GAS7: variants seen among roughly 807,000 people sequenced by gnomAD.
The protein encoded by GAS7 is growth arrest specific 7.
Under a neutral mutation model 71.1 loss-of-function variants are expected in GAS7, and 28 were observed. The ratio of observed to expected loss-of-function variants is 0.39; its 90% CI spans 0.29 to 0.54. The LOEUF is 0.54. Ranked by LOEUF, GAS7 falls within the 20% of genes least tolerant of loss-of-function variation. The pLI is 0.62. For missense variants in GAS7, 436 were observed against 627.8 expected, an observed-to-expected ratio of 0.69 and a Z score of 3.27; for synonymous variants, 258 against 245.8, an observed-to-expected ratio of 1.05 and a Z score of -0.46.
At chr17:10,078,080 T>TGTGTGTG (rs1555531361) in intron 1 of GAS7, among the ~76,000 whole-genome samples, 124 of 134,118 alleles carry the variant, frequency 9.2e-4, no homozygotes, top group African/African-American at 3.0e-3. Context: ...TGTGTGTGTG[T>TGTGTGTG]TTTGTTTTGT....
At chr17:10,053,791 A>C (rs913762134) in intron 1 of GAS7, among the ~76,000 whole-genome samples, 3 of 151,996 alleles carry the variant, frequency 2.0e-5, no homozygotes, top group Admixed American at 6.6e-5. Context: ...AGGGAGCCTC[A>C]CCTCTCTCCC....
At chr17:10,156,918 A>G (rs983059663) in intron 1 of GAS7, among the ~76,000 whole-genome samples, 2 of 152,018 alleles carry the variant, frequency 1.3e-5, no homozygotes, top group African/African-American at 2.4e-5. Flanking sequence ...GGCACCCTCA[A>G]TAGTGGAGTT....
At chr17:10,172,255 C>T (rs2074340752) in intron 1 of GAS7, among the ~76,000 whole-genome samples, 1 of 152,180 alleles carries the variant, frequency 6.6e-6, no homozygotes, top group South Asian at 2.1e-4. Context: ...TCATTCCACT[C>T]CTCAGGTCCA....
rs765522796 is a variant in GAS7, at chr17:9,940,177, G to T, written c.755C>A (p.Ala252Glu). The change falls in exon 8 of 14, where the codon GCG becomes GAG. Residue 252 changes from alanine to glutamate, a missense_variant. Ala to Glu is a moderately radical substitution (Grantham distance 107, BLOSUM62 -1). Coordinates refer to ENST00000432992, the MANE Select transcript of GAS7 (RefSeq NM_201433.2). ...RERIKIEEDY[A>E]KNLAKLSQNS... is the part of the protein sequence containing the mutation. ...CTGAGAGAGCTTAGCTAAGTTCTTC[G>T]CATAGTCTTCTTCAATCTTTATCCT... 1.2e-6 allele frequency: 2 copies of T among 1,612,458 alleles called. No homozygotes were observed. The highest frequency in any genetic ancestry group is 1.7e-6 in the Non-Finnish European group (2 of 1,178,538).
At chr17:10,114,875 T>C (rs965347717) in intron 1 of GAS7, among the ~76,000 whole-genome samples, 6 of 152,154 alleles carry the variant, frequency 3.9e-5, no homozygotes, top group Admixed American at 6.5e-5. Flanking sequence ...CATTCCAAGA[T>C]GCGTGTCCTT....
rs1555528680 is a variant in GAS7, at chr17:10,046,876, G to GAAAAGAAAA, written c.184-26980_184-26979insTTTTCTTTT. ...AAAGAAAAGAAAAAAGAAAAGAAAA[G>GAAAAGAAAA]GAAAAGAAAAGAAAAGAAAAGAAAA... On this transcript the variant is annotated intron_variant, in intron 1 of 13. Coordinates refer to ENST00000432992, the MANE Select transcript of GAS7 (RefSeq NM_201433.2). Among the ~76,000 whole-genome samples the GAAAAGAAAA allele has an allele frequency of 2.1e-4, 21 of 98,214 alleles. 3 individuals are homozygous for GAAAAGAAAA. The highest frequency in any genetic ancestry group is 8.0e-4 in the African/African-American group (13 of 16,248). 64.4% of individuals were successfully genotyped at this position (98,214 alleles called of 152,430 possible). A position where few individuals can be genotyped will look rare whatever the true frequency, so the allele number is the denominator to read the frequency against.
intron 2 of GAS7, among the ~76,000 whole-genome samples, chr17:10,003,852 A>AT (rs1474606159): frequency 1.3e-5 from 2 of 151,956 alleles, no homozygotes; most frequent in African/African-American, 2.4e-5. Context: ...TTCTCACCCC[A>AT]TTTTCCTCCT....
chr17:9,946,861 T>C (rs758002127), intron 6 of GAS7, 33 bp downstream of exon 6: 13 of 1,459,306 alleles, frequency 8.9e-6, no homozygotes, highest in African/African-American at 1.4e-5. Flanking sequence ...GTCACCGGGG[T>C]CACGCTGTGG....
At chr17:10,143,554 A>G (rs1317051778) in intron 1 of GAS7, among the ~76,000 whole-genome samples, 2 of 152,082 alleles carry the variant, frequency 1.3e-5, no homozygotes, top group East Asian at 3.9e-4. Flanking sequence ...AAAAAAAAAA[A>G]AAAAAATTGG....
At position 9,969,576 on chromosome 17, in the gene GAS7, T is replaced by C; in HGVS notation, c.471+101A>G. 1.4e-6 allele frequency: 1 copy of C among 732,834 alleles called. No individual in the cohort carries two copies. Among genetic ancestry groups the C allele is most frequent in the South Asian group, 1.6e-5 (1 of 62,230 alleles). The allele number at this position is 732,834 out of a possible 1,614,324, so 45.4% of individuals were successfully genotyped here. A position where few individuals can be genotyped will look rare whatever the true frequency, so the allele number is the denominator to read the frequency against. ...ACCACTTTCTACCTGGGGGCAGAAC[T>C]GGGCTGCAGCCACCTGGACTCCCAT... On this transcript the variant is annotated intron_variant, in intron 4 of 13. Coordinates refer to ENST00000432992, the MANE Select transcript of GAS7 (RefSeq NM_201433.2). This position sits in a 1 kb window ranked among gnomAD's most constrained non-coding sequence, Gnocchi z 5.5.
intron 1 of GAS7, among the ~76,000 whole-genome samples, chr17:10,150,895 G>A (rs1298904760): frequency 6.6e-6 from 1 of 152,150 alleles, no homozygotes; most frequent in Non-Finnish European, 1.5e-5. Flanking sequence ...GGCCAAGGCT[G>A]TTAAATTTCA....
chr17:10,032,766 T>C (rs1281855958), intron 1 of GAS7, among the ~76,000 whole-genome samples: 2 of 152,326 alleles, frequency 1.3e-5, no homozygotes, highest in Admixed American at 1.3e-4. Context: ...CCAAACACTT[T>C]TGGGCTCTAA....
chr17:10,169,241 G>A (rs140027702), intron 1 of GAS7, among the ~76,000 whole-genome samples: 5 of 152,028 alleles, frequency 3.3e-5, no homozygotes, highest in Non-Finnish European at 7.4e-5. Flanking sequence ...ACTCCAGCCT[G>A]GGCAACAAGA....
chr17:9,990,913 G>A (rs772187609), intron 2 of GAS7, among the ~76,000 whole-genome samples: 1 of 152,142 alleles, frequency 6.6e-6, no homozygotes, highest in Non-Finnish European at 1.5e-5. Flanking sequence ...ACAGACAGAT[G>A]TTCAAAAATC....
At position 9,926,927 on chromosome 17, in the gene GAS7, G is replaced by A. The variant is rs567081139; in HGVS notation, c.886-158C>T. The A allele has an allele frequency of 5.8e-5, 41 of 701,126 alleles. 1 individual carries two copies. The highest frequency in any genetic ancestry group is 7.0e-4 in the Middle Eastern group (2 of 2,874). The allele number at this position is 701,126 out of a possible 1,614,324, so 43.4% of individuals were successfully genotyped here. A position where few individuals can be genotyped will look rare whatever the true frequency, so the allele number is the denominator to read the frequency against. On this transcript the variant is annotated intron_variant, in intron 9 of 13. Transcript: ENST00000432992. The surrounding 1 kb of genome is among the most constrained non-coding windows in gnomAD (Gnocchi z 5.0). ...GAAGGTGAGAGACACCCCCTGACAC[G>A]TGGCTGCCTATCAGGTCTCAGCTTA...
chr17:10,165,216 C>CGGGA (rs1567616788), intron 1 of GAS7, among the ~76,000 whole-genome samples: 2 of 144,100 alleles, frequency 1.4e-5, no homozygotes, highest in African/African-American at 5.2e-5. Context: ...GACGTGAACC[C>CGGGA]GGGAGGCAGA....
chr17:9,951,784 A>C (rs1362787675), intron 5 of GAS7, among the ~76,000 whole-genome samples: 2 of 148,330 alleles, frequency 1.3e-5, no homozygotes, highest in Non-Finnish European at 3.0e-5. Flanking sequence ...AAAAAAAAAA[A>C]AACAAGAAGA....
At chr17:9,939,394 T>C (rs951760100) in intron 8 of GAS7, among the ~76,000 whole-genome samples, 1 of 152,120 alleles carries the variant, frequency 6.6e-6, no homozygotes, top group Non-Finnish European at 1.5e-5. Flanking sequence ...AGGGAGCCTA[T>C]GCCTCAAGCC....
At chr17:10,144,762 G>A (rs1371662963) in intron 1 of GAS7, among the ~76,000 whole-genome samples, 1 of 151,974 alleles carries the variant, frequency 6.6e-6, no homozygotes, top group Non-Finnish European at 1.5e-5. Context: ...TGCCCAGGCT[G>A]TTCTTGAACT....
Sources: gnomAD v4.1 joint callset for allele counts (sites outside exome capture counted in the v4.1 genomes callset) on GRCh38, gnomAD v4.1.1 for gene constraint, Gnocchi (gnomAD v3.1) non-coding constraint, MANE v1.5 for transcripts, NCBI Gene and HGNC (gene_info 2026-07-23, HGNC 2026-07-21) for gene names.